The following ODAD1 variants were observed in gnomAD, a reference collection of about 807,000 sequenced individuals.
ODAD1 encodes outer dynein arm docking complex subunit 1.
ODAD1 carries 49 observed loss-of-function variants against 67.2 expected under a neutral mutation model. The observed-to-expected ratio is 0.73, with a 90% CI of 0.58 to 0.92. ODAD1 has a LOEUF of 0.92. ODAD1 is among the 40% of genes least tolerant of loss of function. ODAD1 has a pLI of 0.00. For missense variants in ODAD1, 897 were observed against 953.7 expected (o/e 0.94, Z 0.78); for synonymous variants, 345 against 393.7 (o/e 0.88, Z 1.46).
intron 12 of ODAD1, 123 bp downstream of exon 12, chr19:48,302,571 T>C (rs904294132): frequency 1.4e-6 from 1 of 726,394 alleles, no homozygotes; most frequent in African/African-American, 1.8e-5. Context: ...GATGGACAGA[T>C]ATGGGGCAAC....
chr19:48,297,493 G>A lies in ODAD1; in HGVS notation c.1607C>T (p.Ala536Val), dbSNP rs772504519. The A allele has an allele frequency of 4.1e-5, 65 of 1,603,852 alleles. No individual in the cohort carries two copies. The highest frequency in any genetic ancestry group is 8.5e-5 in the Admixed American group (5 of 58,992). The change falls in exon 16 of 16, where the codon GCG becomes GTG. Residue 536 changes from alanine (A) to valine (V), a missense_variant. Physicochemically the swap from Ala to Val is moderately conservative, Grantham distance 64. Transcript: ENST00000674294. ...GGCGGCCAGGTCCTTCTGGCGCTGC[G>A]CCTCCGCCTGCTCCTGGAGCTCCAC... The part of the protein sequence containing the change: ...KLVELQEQAE[A>V]QRQKDLAAAA...
chr19:48,305,302 G>A (rs920127962), intron 8 of ODAD1, among the ~76,000 whole-genome samples: 1 of 152,040 alleles, frequency 6.6e-6, no homozygotes, highest in African/African-American at 2.4e-5. Flanking sequence ...ATCTGAAGGT[G>A]GCCCGAGAGG....
rs746635107 is a variant in ODAD1 at position 48,298,109 on chromosome 19, G to A, written c.1405-12C>T. ...AGGGAGGTGAAGCTCTGGAGAGTGT[G>A]GGAGCCTGCGGTCAGCTGGGCCACC... is the stretch of plus-strand genomic sequence containing the variant. On this transcript the variant is annotated splice_polypyrimidine_tract_variant and intron_variant, in intron 13 of 15. Transcript: ENST00000674294. The A allele has an allele frequency of 1.6e-5, 25 of 1,612,772 alleles. No individual in the cohort carries two copies. The highest frequency in any genetic ancestry group is 2.0e-5 in the Non-Finnish European group (24 of 1,179,754).
chr19:48,309,484 G>A (rs925375606), intron 7 of ODAD1, among the ~76,000 whole-genome samples: 2 of 152,118 alleles, frequency 1.3e-5, no homozygotes, highest in African/African-American at 4.8e-5. Flanking sequence ...CTGAACACTG[G>A]ACGAGACGAC....
chr19:48,311,536 A>AT lies in ODAD1; in HGVS notation c.597+16dup. ...CAGGGGTCCCTGTCTCCTCCCCTGG[A>AT]TTTCAGGGCCACTGACCTTCTTCAG... is the stretch of plus-strand genomic sequence containing the variant. On this transcript the variant is annotated intron_variant, in intron 7 of 15. Coordinates refer to ENST00000674294, the MANE Select transcript of ODAD1 (RefSeq NM_001364171.2). 6.8e-7 allele frequency: 1 copy of AT among 1,472,726 alleles called. No homozygotes were observed. The highest frequency in any genetic ancestry group is 9.3e-7 in the Non-Finnish European group (1 of 1,075,728). The allele number at this position is 1,472,726 out of a possible 1,614,324, so 91.2% of individuals were successfully genotyped here. A position where few individuals can be genotyped will look rare whatever the true frequency, so the allele number is the denominator to read the frequency against.
At chr19:48,297,916 C>A in intron 14 of ODAD1, 84 bp downstream of exon 14, 3 of 1,145,450 alleles carry the variant, frequency 2.6e-6, no homozygotes, top group Non-Finnish European at 3.7e-6. Flanking sequence ...CCCCAAAAGC[C>A]CCCCAAAACT....
Position 48,304,126 on chromosome 19 carries a change from G to A in ODAD1, c.680C>T (p.Ala227Val), listed in dbSNP as rs1447901629. 6.2e-7 allele frequency: 1 copy of A among 1,608,864 alleles called. No individual in the cohort carries two copies. Among genetic ancestry groups the A allele is most frequent in the Admixed American group, 1.7e-5 (1 of 59,904 alleles). Residue 227 changes from alanine (A) to valine (V), a missense_variant, in exon 9 of 16, where the codon GCC becomes GTC. Physicochemically the swap from Ala to Val is moderately conservative, Grantham distance 64 (BLOSUM62 0). Coordinates refer to ENST00000674294, the MANE Select transcript of ODAD1 (RefSeq NM_001364171.2). ...SAYAVREEAK[A>V]KMGLLRERAE... Reference sequence around the variant, plus strand: ...GCGCTCCCGCAGCAAGCCCATCTTGGCCTTCGCCTCCTCCCTGCGGGGGTC... The same window carrying A: ...GCGCTCCCGCAGCAAGCCCATCTTGACCTTCGCCTCCTCCCTGCGGGGGTC...
Position 48,318,420 on chromosome 19 carries a change from C to T in ODAD1, c.327G>A (p.Glu109=), listed in dbSNP as rs1021703514. ...CCAGGGCCCTGGTCTGCTCCTGCAG[C>T]TCCTCGATCTCCGCCTGCACCTGGG... ...GRAQVQAEIE[E]LQEQTRALDK... The change falls in exon 5 of 16, where the codon GAG becomes GAA. Residue 109 remains glutamate (E), a synonymous_variant. Transcript: ENST00000674294. The T allele has an allele frequency of 3.9e-6, 6 of 1,551,546 alleles. No individual in the cohort carries two copies. In the African/African-American group the frequency reaches 8.2e-5, roughly 21 times the overall value.
At position 48,297,612 on chromosome 19, in the gene ODAD1, A is replaced by C; in HGVS notation, c.1559T>G (p.Leu520Arg). ...SDDYPMSREELLSQVEKLVEL... is the reference protein window; with the variant it reads ...SDDYPMSREERLSQVEKLVEL... Reference sequence around the variant, plus strand: ...CACCAGCTTCTCCACTTGGCTCAGCAGCTCCTCCCTGCTCATGGGGTAGTC... The same window carrying C: ...CACCAGCTTCTCCACTTGGCTCAGCCGCTCCTCCCTGCTCATGGGGTAGTC... Residue 520 changes from leucine to arginine, a missense_variant, in exon 15 of 16, where the codon CTG becomes CGG. Coordinates refer to ENST00000674294, the MANE Select transcript of ODAD1 (RefSeq NM_001364171.2). 6.5e-7 allele frequency: 1 copy of C among 1,539,708 alleles called. No homozygotes were observed. Among genetic ancestry groups the C allele is most frequent in the Non-Finnish European group, 8.7e-7 (1 of 1,146,344 alleles).
At chr19:48,300,254 G>A (rs1438163143) in intron 12 of ODAD1, among the ~76,000 whole-genome samples, 1 of 152,104 alleles carries the variant, frequency 6.6e-6, no homozygotes, top group Non-Finnish European at 1.5e-5. Flanking sequence ...AGTGAGCCGA[G>A]ATTGTGCCAC....
In ODAD1 at chr19:48,301,814, C is replaced by A. The variant is rs568062292; in HGVS notation, c.1240+880G>T. Among the ~76,000 whole-genome samples the A allele has an allele frequency of 8.6e-3, 1,212 of 141,022 alleles. 20 individuals are homozygous for A. Among genetic ancestry groups the A allele is most frequent in the African/African-American group, 0.032 (1,150 of 35,412 alleles). 92.5% of individuals were successfully genotyped at this position (141,022 alleles called of 152,430 possible). On this transcript the variant is annotated intron_variant, in intron 12 of 15. Transcript: ENST00000674294. Reference sequence around the variant, plus strand: ...ACATGGGACAGTTGGAGGAATAGATCCTGGATGGATGGATGGATGGATGGA... The same window carrying A: ...ACATGGGACAGTTGGAGGAATAGATACTGGATGGATGGATGGATGGATGGA...
rs868247822 is a variant in ODAD1, at chr19:48,298,076, C to T, written c.1426G>A (p.Ala476Thr). Reference sequence around the variant, plus strand: ...CTCTGGCCCAGCACTAGGAGGGCAGCGTCGGCCAGGGAGGTGAAGCTCTGG... The same window carrying T: ...CTCTGGCCCAGCACTAGGAGGGCAGTGTCGGCCAGGGAGGTGAAGCTCTGG... ...HAQSFTSLAD[A>T]ALLVLGQSLE... The change falls in exon 14 of 16, where the codon GCT becomes ACT. Residue 476 changes from alanine to threonine, a missense_variant. Ala to Thr is a moderately conservative substitution (Grantham distance 58, BLOSUM62 0). Transcript: ENST00000674294. 1.9e-6 allele frequency: 3 copies of T among 1,613,106 alleles called. No individual in the cohort carries two copies. Among genetic ancestry groups the T allele is most frequent in the Admixed American group, 1.7e-5 (1 of 59,720 alleles).
At chr19:48,320,128 C>T (rs1968996643) in intron 3 of ODAD1, 171 bp downstream of exon 3, 1 of 974,338 alleles carries the variant, frequency 1.0e-6, no homozygotes, top group African/African-American at 1.7e-5. Flanking sequence ...ACTGCCCAGG[C>T]TTGGCCCACC....
chr19:48,304,210 G>A (rs1600862249), intron 8 of ODAD1, 70 bp from the exon 9 acceptor site: 2 of 1,470,524 alleles, frequency 1.4e-6, no homozygotes, highest in Non-Finnish European at 1.8e-6. Flanking sequence ...CTGGGGATGG[G>A]CGGGGTCAGC....
intron 11 of ODAD1, 28 bp downstream of exon 11, chr19:48,302,985 G>A (rs774616177): frequency 1.1e-4 from 185 of 1,609,306 alleles, no homozygotes; most frequent in Non-Finnish European, 1.5e-4. Context: ...GAGGAGAGGA[G>A]GAGATGGAGA....
chr19:48,303,487 G>C lies in ODAD1; in HGVS notation c.988+163C>G, dbSNP rs111550000. On this transcript the variant is annotated intron_variant, in intron 10 of 15. Coordinates refer to ENST00000674294, the MANE Select transcript of ODAD1 (RefSeq NM_001364171.2). ...TGGGGAGGGGCAGAGACAGGGCCACGGTAAGACGCCAGTGGACGCGGGCGG... is the reference window on the plus strand; with the variant it reads ...TGGGGAGGGGCAGAGACAGGGCCACCGTAAGACGCCAGTGGACGCGGGCGG... 5 of 791,328 alleles carry C rather than the reference G, an allele frequency of 6.3e-6. No homozygotes were observed. The East Asian group carries it at 1.3e-4, about 21-fold the overall frequency. The allele number at this position is 791,328 out of a possible 1,614,324, so 49.0% of individuals were successfully genotyped here. A position where few individuals can be genotyped will look rare whatever the true frequency, so the allele number is the denominator to read the frequency against.
rs774866725 is a variant in ODAD1, at chr19:48,304,051, C to G, written c.755G>C (p.Arg252Pro). 6.2e-7 allele frequency: 1 copy of G among 1,614,208 alleles called. No individual in the cohort carries two copies. The highest frequency in any genetic ancestry group is 8.5e-7 in the Non-Finnish European group (1 of 1,180,032). ...CAGCTGCTCCAGGTGCAAGATCTGC[C>G]GCTGCAGGACCTGCGCCTCCATCTC... ...QSEMEAQVLQ[R>P]QILHLEQLHH... is the part of the protein sequence containing the mutation. Residue 252 changes from arginine to proline, a missense_variant, in exon 9 of 16, where the codon CGG becomes CCG. By Grantham distance (103) the Arg-to-Pro change is moderately radical. Transcript: ENST00000674294.
At position 48,321,804 on chromosome 19, in the gene ODAD1, T is replaced by G. The variant is rs911120743; in HGVS notation, c.-190A>C. The G allele has an allele frequency of 5.0e-6, 2 of 398,404 alleles. No individual in the cohort carries two copies. The highest frequency in any genetic ancestry group is 2.1e-5 in the African/African-American group (1 of 48,586). 24.7% of individuals were successfully genotyped at this position (398,404 alleles called of 1,614,324 possible). ...CGGTCTTAAGCTGACTGTGACCACG[T>G]TAAATTAAGGATTCATAGGAAGGAA... On this transcript the variant is annotated 5_prime_UTR_variant, in exon 1 of 16. Transcript: ENST00000674294.
rs747363334 is a variant in ODAD1 at position 48,297,498 on chromosome 19, C to T, written c.1602G>A (p.Ala534=). The change falls in exon 16 of 16, where the codon GCG becomes GCA. Residue 534 remains alanine (A), a synonymous_variant. Transcript: ENST00000674294. ...VEKLVELQEQ[A]EAQRQKDLAA... ...CCAGGTCCTTCTGGCGCTGCGCCTC[C>T]GCCTGCTCCTGGAGCTCCACCTGCA... 13 of 1,604,346 alleles carry T rather than the reference C, an allele frequency of 8.1e-6. No homozygotes were observed. Among genetic ancestry groups the T allele is most frequent in the East Asian group, 4.5e-5 (2 of 44,644 alleles).
Sources: gnomAD v4.1 joint callset for allele counts (sites outside exome capture counted in the v4.1 genomes callset) on GRCh38, gnomAD v4.1.1 for gene constraint, MANE v1.5 for transcripts, NCBI Gene and HGNC (gene_info 2026-07-23, HGNC 2026-07-21) for gene names.